The following ZFAT variants were observed in gnomAD, a reference collection of about 807,000 sequenced individuals.
ZFAT encodes zinc finger and AT-hook domain containing, also known as zinc finger protein ZFAT.
Under a neutral mutation model 117.7 loss-of-function variants are expected in ZFAT, and 64 were observed. The observed-to-expected ratio is 0.54, with a 90% CI of 0.44 to 0.67. The LOEUF (loss-of-function observed/expected upper bound fraction) is 0.67. Among genes scored for constraint, ZFAT ranks in the 30% least tolerant of loss-of-function variants. The pLI, the probability that ZFAT is intolerant of heterozygous loss-of-function variation, is 0.00. For synonymous variants in ZFAT, 679 were observed against 615.0 expected (o/e 1.10, Z -1.54); for missense variants, 1,433 against 1,584.5 (o/e 0.90, Z 1.62).
intron 1 of ZFAT, among the ~76,000 whole-genome samples, chr8:134,658,337 C>CAAA (rs34770848): frequency 0.013 from 1,548 of 117,996 alleles, 53 homozygotes; most frequent in African/African-American, 0.049. Flanking sequence ...ATTCTGTCTC[C>CAAA]AAAAAAAAAA....
chr8:134,691,602 C>G (rs773528347), intron 1 of ZFAT, among the ~76,000 whole-genome samples: 3 of 152,228 alleles, frequency 2.0e-5, no homozygotes, highest in Non-Finnish European at 4.4e-5. Context: ...CTTCATTCTT[C>G]AAGTCTCAGC....
chr8:134,604,593 G>C (rs1827745897), intron 5 of ZFAT, among the ~76,000 whole-genome samples: 1 of 152,196 alleles, frequency 6.6e-6, no homozygotes, highest in South Asian at 2.1e-4. Flanking sequence ...ATCCAAAAAG[G>C]ACCTCAAACA....
intron 1 of ZFAT, among the ~76,000 whole-genome samples, chr8:134,663,407 G>C (rs1361224362): frequency 6.6e-6 from 1 of 152,158 alleles, no homozygotes; most frequent in Non-Finnish European, 1.5e-5. Flanking sequence ...TGGAAGGAAG[G>C]AGAGCTGGCC....
chr8:134,601,147 T>C (rs2130924376), intron 6 of ZFAT, among the ~76,000 whole-genome samples: 1 of 152,300 alleles, frequency 6.6e-6, no homozygotes, highest in East Asian at 1.9e-4. Context: ...GCTGATATAG[T>C]AGTTGGCCAC....
the ZFAT span, chr8:134,766,662 C>T: frequency 6.6e-6 from 1 of 152,204 alleles, no homozygotes; most frequent in Non-Finnish European, 1.5e-5. Context: ...TGTACAACTA[C>T]TTTTATAGAA....
the ZFAT span, among the ~76,000 whole-genome samples, chr8:134,746,041 C>T: frequency 1.8e-4 from 27 of 152,120 alleles, no homozygotes; most frequent in African/African-American, 6.0e-4. Context: ...AAGAAAGCCC[C>T]TTCCAGGTTT....
At chr8:134,795,946 T>C in the ZFAT span, 1 of 152,164 alleles carries the variant, frequency 6.6e-6, no homozygotes, top group Non-Finnish European at 1.5e-5. Flanking sequence ...TTTTGGGGTA[T>C]TGATTTCTGA....
At chr8:134,554,987 C>T (rs1228880740) in intron 11 of ZFAT, among the ~76,000 whole-genome samples, 1 of 152,098 alleles carries the variant, frequency 6.6e-6, no homozygotes, top group Non-Finnish European at 1.5e-5. Flanking sequence ...CCAAGACCAC[C>T]CTCAGGTTCA....
intron 1 of ZFAT, among the ~76,000 whole-genome samples, chr8:134,684,955 T>A (rs991602319): frequency 1.3e-5 from 2 of 152,136 alleles, no homozygotes; most frequent in African/African-American, 4.8e-5. Context: ...TCTAGGAGTT[T>A]CCACGTGTCA....
intron 10 of ZFAT, among the ~76,000 whole-genome samples, chr8:134,582,176 G>A (rs891373735): frequency 3.3e-5 from 5 of 152,178 alleles, no homozygotes; most frequent in African/African-American, 4.8e-5. Flanking sequence ...CTGTGGACCC[G>A]TGATACCACC....
At chr8:134,652,739 A>C (rs1831322314) in intron 2 of ZFAT, among the ~76,000 whole-genome samples, 1 of 152,190 alleles carries the variant, frequency 6.6e-6, no homozygotes, top group African/African-American at 2.4e-5. Flanking sequence ...TTGTCTATCA[A>C]ATTGGCAAAA....
At chr8:134,781,218 T>C in the ZFAT span, among the ~76,000 whole-genome samples, 3 of 152,128 alleles carry the variant, frequency 2.0e-5, no homozygotes, top group African/African-American at 7.2e-5. Flanking sequence ...CTCAATCTCC[T>C]GTGCTCAAGC....
At chr8:134,553,171 G>A (rs1005697427) in intron 11 of ZFAT, among the ~76,000 whole-genome samples, 1 of 152,176 alleles carries the variant, frequency 6.6e-6, no homozygotes, top group Admixed American at 6.5e-5. Flanking sequence ...ACTGTTAGAA[G>A]GAGGCTGTTT....
intron 2 of ZFAT, among the ~76,000 whole-genome samples, chr8:134,639,351 C>T (rs190263129): frequency 1.3e-4 from 20 of 152,330 alleles, no homozygotes; most frequent in South Asian, 4.1e-4. Flanking sequence ...CAAACTGCAA[C>T]GCCACTGGTG....
chr8:134,664,278 C>T (rs1251248731), intron 1 of ZFAT, among the ~76,000 whole-genome samples: 4 of 152,088 alleles, frequency 2.6e-5, no homozygotes, highest in Admixed American at 1.3e-4. Flanking sequence ...AAGCAGAACC[C>T]GGATCTCCCT....
At chr8:134,764,308 G>A in the ZFAT span, among the ~76,000 whole-genome samples, 2 of 152,154 alleles carry the variant, frequency 1.3e-5, no homozygotes. Flanking sequence ...AGCTCCTCTA[G>A]GCTTCAAATC....
chr8:134,536,674 G>A (rs1298914087), intron 11 of ZFAT, among the ~76,000 whole-genome samples: 1 of 152,188 alleles, frequency 6.6e-6, no homozygotes, highest in Non-Finnish European at 1.5e-5. Flanking sequence ...CATTTATGAA[G>A]CATATATTTA....
At position 134,637,563 on chromosome 8, in the gene ZFAT, A is replaced by C. The variant is rs763175304; in HGVS notation, c.346T>G (p.Leu116Val). 1 of 1,614,228 alleles carries C rather than the reference A, an allele frequency of 6.2e-7. No homozygotes were observed. The highest frequency in any genetic ancestry group is 8.5e-7 in the Non-Finnish European group (1 of 1,180,034). ...TTCCGACAGCACTTGCTACACTCCA[A>C]GCTGCTTGGAGGCAGGCTGTTCCCT... ...EEGNSLPPSSLECSKCCRKFS... is the reference protein window; with the variant it reads ...EEGNSLPPSSVECSKCCRKFS... Residue 116 changes from leucine (L) to valine (V), a missense_variant, in exon 3 of 16, where the codon TTG (leucine) becomes GTG (valine). This residue lies in a region of ZFAT where 436 missense variants were observed against 482.0 expected (regional missense o/e 0.90). Transcript: ENST00000377838.
At chr8:134,573,443 A>G (rs1586734723) in intron 10 of ZFAT, among the ~76,000 whole-genome samples, 1 of 152,160 alleles carries the variant, frequency 6.6e-6, no homozygotes, top group African/African-American at 2.4e-5. Flanking sequence ...TTGTAGACTT[A>G]TGCAGGCTGA....
Sources: gnomAD v4.1 joint callset for allele counts (sites outside exome capture counted in the v4.1 genomes callset) on GRCh38, gnomAD v4.1.1 for gene constraint, gnomAD v4.1.1 regional missense constraint, MANE v1.5 for transcripts, NCBI Gene and HGNC (gene_info 2026-07-23, HGNC 2026-07-21) for gene names.